The following TICAM2 variants were observed in gnomAD, a reference collection of about 807,000 sequenced individuals.
TICAM2 encodes the protein TIR domain containing adaptor molecule 2.
TICAM2 carries 8 observed loss-of-function variants against 7.3 expected under a neutral mutation model. The ratio of observed to expected loss-of-function variants is 1.10; its 90% confidence interval spans 0.65 to 1.99. TICAM2 has a LOEUF of 1.99. Among genes scored for constraint, TICAM2 ranks in the 30% most tolerant of loss-of-function variants. The pLI is 0.00. For synonymous variants in TICAM2, 113 were observed against 99.6 expected (o/e 1.13, Z -0.80); for missense variants, 304 against 278.8 (o/e 1.09, Z -0.65).
chr5:115,585,540 C>G (rs1255132481), intron 1 of TICAM2, among the ~76,000 whole-genome samples: 1 of 152,144 alleles, frequency 6.6e-6, no homozygotes, highest in Non-Finnish European at 1.5e-5. Context: ...GTTTGAATAA[C>G]CTTGCTCTAG....
chr5:115,594,173 T>C (rs542478062), intron 1 of TICAM2, among the ~76,000 whole-genome samples: 16 of 152,242 alleles, frequency 1.1e-4, no homozygotes, highest in Non-Finnish European at 2.1e-4. Flanking sequence ...TGTAACATTA[T>C]CTACTTACTT....
Position 115,580,602 on chromosome 5 carries a change from G to C in TICAM2, c.655C>G (p.Gln219Glu), listed in dbSNP as rs369324071. 1 of 1,599,934 alleles carries C rather than the reference G, an allele frequency of 6.3e-7. No individual in the cohort carries two copies. The highest frequency in any genetic ancestry group is 8.5e-7 in the Non-Finnish European group (1 of 1,175,876). The change falls in exon 2 of 2, where the codon CAA becomes GAA. Residue 219 changes from glutamine (Q) to glutamate (E), a missense_variant. Transcript: ENST00000427199. Reference protein sequence around the residue: ...IFQESVYKTQQTIWKETRNMV... With the variant: ...IFQESVYKTQETIWKETRNMV... ...TTTCTTGTCTCTTTCCATATAGTTT[G>C]TTGTGTCTTATACACAGACTCCTGA...
intron 1 of TICAM2, among the ~76,000 whole-genome samples, chr5:115,588,126 T>G (rs532260553): frequency 1.5e-3 from 231 of 152,218 alleles, no homozygotes; most frequent in African/African-American, 5.0e-3. Context: ...AGGCCAATAC[T>G]CATAACTAAA....
rs1754860023 is a variant in TICAM2, at chr5:115,580,071, C to T, written c.*478G>A. 1 of 152,968 alleles carries T rather than the reference C, an allele frequency of 6.5e-6. No homozygotes were observed. Among genetic ancestry groups the T allele is most frequent in the Non-Finnish European group, 1.5e-5 (1 of 68,632 alleles). The allele number at this position is 152,968 out of a possible 1,614,324, so 9.5% of individuals were successfully genotyped here. On this transcript the variant is annotated 3_prime_UTR_variant, in exon 2 of 2. Coordinates refer to ENST00000427199, the MANE Select transcript of TICAM2 (RefSeq NM_021649.7). ...CGCTTAACATGCTAAATGTTCTATT[C>T]TGGCAATTCATATTTCTGGGTGATA...
chr5:115,594,359 T>C (rs1755426865), intron 1 of TICAM2, among the ~76,000 whole-genome samples: 1 of 152,226 alleles, frequency 6.6e-6, no homozygotes, highest in South Asian at 2.1e-4. Context: ...TGCTTTCCTA[T>C]GCAATACAAT....
intron 1 of TICAM2, among the ~76,000 whole-genome samples, chr5:115,591,505 T>G (rs1448804482): frequency 6.6e-6 from 1 of 152,136 alleles, no homozygotes; most frequent in Non-Finnish European, 1.5e-5. Flanking sequence ...ATTTCAAACT[T>G]TTATTAATAA....
At chr5:115,598,008 TGAA>T (rs944784603) in intron 1 of TICAM2, among the ~76,000 whole-genome samples, 5 of 152,302 alleles carry the variant, frequency 3.3e-5, no homozygotes, top group East Asian at 1.9e-4. Context: ...CATATATATG[TGAA>T]GAACTCACGT....
In TICAM2 at chr5:115,580,957, T is replaced by C. The variant is rs1161312693; in HGVS notation, c.300A>G (p.Leu100=). 3 of 1,613,576 alleles carry C rather than the reference T, an allele frequency of 1.9e-6. No homozygotes were observed. Among genetic ancestry groups the C allele is most frequent in the African/African-American group, 1.3e-5 (1 of 75,050 alleles). The stretch of plus-strand genomic sequence containing the variant: ...CGGGTTTGATACCAAAGTCATCTTG[T>C]AGCAGATTCTGGACTCTGAGGGCTT... ...TDEALRVQNL[L]QDDFGIKPGI... Residue 100 remains leucine (L), a synonymous_variant, in exon 2 of 2, where the codon CTA becomes CTG. Coordinates refer to ENST00000427199, the MANE Select transcript of TICAM2 (RefSeq NM_021649.7).
At chr5:115,587,257 T>C (rs979612165) in intron 1 of TICAM2, among the ~76,000 whole-genome samples, 20 of 152,226 alleles carry the variant, frequency 1.3e-4, no homozygotes, top group African/African-American at 4.8e-4. Flanking sequence ...GCGAGTGATC[T>C]GATCTGACTT....
chr5:115,591,316 A>G (rs1477980140), intron 1 of TICAM2, among the ~76,000 whole-genome samples: 1 of 152,142 alleles, frequency 6.6e-6, no homozygotes, highest in Non-Finnish European at 1.5e-5. Flanking sequence ...CTAAAAACAG[A>G]CTGATCCTCC....
chr5:115,600,136 T>G (rs924137623), intron 1 of TICAM2, among the ~76,000 whole-genome samples: 1 of 152,078 alleles, frequency 6.6e-6, no homozygotes. Flanking sequence ...AAGAGTAAAT[T>G]CCTAGAATTC....
At chr5:115,588,174 T>C (rs1428486517) in intron 1 of TICAM2, among the ~76,000 whole-genome samples, 3 of 152,096 alleles carry the variant, frequency 2.0e-5, no homozygotes, top group African/African-American at 7.2e-5. Flanking sequence ...GAGAAGATAC[T>C]TGGAATGCTT....
Position 115,580,984 on chromosome 5 carries a change from A to C in TICAM2, c.273T>G (p.Asp91Glu), listed in dbSNP as rs1754900435. Residue 91 changes from aspartate to glutamate, a missense_variant, in exon 2 of 2, where the codon GAT (aspartate) becomes GAG (glutamate). Physicochemically the swap from Asp to Glu is conservative, Grantham distance 45. Coordinates refer to ENST00000427199, the MANE Select transcript of TICAM2 (RefSeq NM_021649.7). Reference sequence around the variant, plus strand: ...GCAGATTCTGGACTCTGAGGGCTTCATCTGTGTCATCTTCTGCATGCAATA... The same window carrying C: ...GCAGATTCTGGACTCTGAGGGCTTCCTCTGTGTCATCTTCTGCATGCAATA... ...FVILHAEDDTDEALRVQNLLQ... is the reference protein window; with the variant it reads ...FVILHAEDDTEEALRVQNLLQ... 6.2e-7 allele frequency: 1 copy of C among 1,613,914 alleles called. No homozygotes were observed. The highest frequency in any genetic ancestry group is 8.5e-7 in the Non-Finnish European group (1 of 1,179,912).
At chr5:115,590,241 T>C (rs989878735) in intron 1 of TICAM2, among the ~76,000 whole-genome samples, 1 of 152,202 alleles carries the variant, frequency 6.6e-6, no homozygotes, top group African/African-American at 2.4e-5. Context: ...GCGCAGGAGT[T>C]TGGGGCTTCA....
intron 1 of TICAM2, among the ~76,000 whole-genome samples, chr5:115,600,465 G>A (rs911568127): frequency 6.6e-6 from 1 of 152,182 alleles, no homozygotes; most frequent in Non-Finnish European, 1.5e-5. Flanking sequence ...ATATGGCCAA[G>A]AAATGAACTC....
At chr5:115,588,197 G>C (rs548505505) in intron 1 of TICAM2, among the ~76,000 whole-genome samples, 2 of 152,326 alleles carry the variant, frequency 1.3e-5, no homozygotes, top group South Asian at 4.1e-4. Context: ...GAACTGAAGG[G>C]AATTTGCTAG....
chr5:115,601,518 C>A (rs1040595802), intron 1 of TICAM2, among the ~76,000 whole-genome samples: 2 of 152,190 alleles, frequency 1.3e-5, no homozygotes, highest in East Asian at 3.9e-4. Flanking sequence ...ACCTCCAGAT[C>A]ATATAGCCTT....
At chr5:115,590,911 T>C (rs1390142977) in intron 1 of TICAM2, among the ~76,000 whole-genome samples, 2 of 152,172 alleles carry the variant, frequency 1.3e-5, no homozygotes, top group South Asian at 2.1e-4. Context: ...CTCTCTCTCA[T>C]CTCCTCCTTC....
chr5:115,595,608 A>G (rs1755481529), intron 1 of TICAM2, among the ~76,000 whole-genome samples: 1 of 152,044 alleles, frequency 6.6e-6, no homozygotes, highest in South Asian at 2.1e-4. Flanking sequence ...TTGCTTAAAG[A>G]TCCCTTTGAT....
Sources: allele counts gnomAD v4.1 joint callset (sites outside exome capture counted in the v4.1 genomes callset), GRCh38; gene constraint gnomAD v4.1.1; transcripts MANE v1.5; gene names NCBI Gene and HGNC (gene_info 2026-07-23, HGNC 2026-07-21).